DYNC2I1: variants seen among roughly 807,000 people sequenced by gnomAD.
DYNC2I1 encodes cytoplasmic dynein 2 intermediate chain 1.
A neutral mutation model predicts 133.4 loss-of-function variants in DYNC2I1; 89 were observed. That is an observed-to-expected ratio of 0.67 (90% CI 0.56 to 0.80). The LOEUF (loss-of-function observed/expected upper bound fraction) is 0.80. DYNC2I1 is among the 30% of genes least tolerant of loss of function. The pLI is 0.00. For missense variants in DYNC2I1, 1,291 were observed against 1,314.5 expected (o/e 0.98, Z 0.28); for synonymous variants, 504 against 484.3 (o/e 1.04, Z -0.54).
intron 20 of DYNC2I1, among the ~76,000 whole-genome samples, chr7:158,930,139 A>G (rs922821718): frequency 1.3e-5 from 2 of 151,308 alleles, no homozygotes; most frequent in Admixed American, 1.3e-4. Context: ...TATTTAGTGT[A>G]TGTACACTCG....
intron 10 of DYNC2I1, chr7:158,903,870 A>G (rs1292513787): frequency 6.6e-6 from 1 of 152,190 alleles, no homozygotes; most frequent in African/African-American, 2.4e-5. Context: ...TTCAACATTT[A>G]TGCTTAGTGT....
intron 17 of DYNC2I1, among the ~76,000 whole-genome samples, chr7:158,925,288 T>C (rs904162806): frequency 2.0e-5 from 3 of 152,208 alleles, no homozygotes; most frequent in Non-Finnish European, 4.4e-5. Flanking sequence ...TCAGTTTCTT[T>C]CCTGAGTTCA....
At chr7:158,868,407 G>A (rs73527680) in intron 1 of DYNC2I1, among the ~76,000 whole-genome samples, 2,806 of 152,298 alleles carry the variant, frequency 0.018, 82 homozygotes, top group African/African-American at 0.063. Context: ...CGGAAGGTGA[G>A]GGCTTAGCTG....
the DYNC2I1 span, among the ~76,000 whole-genome samples, chr7:158,841,185 A>T: frequency 9.5e-5 from 3 of 31,738 alleles, no homozygotes; most frequent in African/African-American, 3.3e-4. Context: ...ATATATATAT[A>T]TATATATATA....
intron 23 of DYNC2I1, among the ~76,000 whole-genome samples, chr7:158,935,329 A>C (rs1178938675): frequency 6.6e-6 from 1 of 152,232 alleles, no homozygotes; most frequent in African/African-American, 2.4e-5. Context: ...CTCCAAGGTC[A>C]GTTTATGGGT....
intron 1 of DYNC2I1, among the ~76,000 whole-genome samples, chr7:158,865,752 C>T (rs1842348215): frequency 1.3e-5 from 2 of 152,094 alleles, no homozygotes; most frequent in Non-Finnish European, 2.9e-5. Flanking sequence ...CTGGGCTGCT[C>T]CATAGGGCAG....
At chr7:158,955,041 GTC>G (rs1852165273) in intron 4 of DYNC2I1, among the ~76,000 whole-genome samples, 1 of 152,210 alleles carries the variant, frequency 6.6e-6, no homozygotes, top group Non-Finnish European at 1.5e-5. Flanking sequence ...TTTGGGGTGA[GTC>G]TGGAGAGTGT....
At chr7:158,880,792 A>G (rs567597725) in intron 5 of DYNC2I1, among the ~76,000 whole-genome samples, 2 of 152,168 alleles carry the variant, frequency 1.3e-5, no homozygotes, top group South Asian at 2.1e-4. Flanking sequence ...GTGTTTTAGC[A>G]CCTTTTGTTC....
chr7:158,929,538 G>A (rs902536477), intron 20 of DYNC2I1, among the ~76,000 whole-genome samples: 4 of 152,218 alleles, frequency 2.6e-5, no homozygotes, highest in Non-Finnish European at 2.9e-5. Flanking sequence ...CGTGGGAGCC[G>A]AGACGCCAGG....
chr7:158,881,643 C>T (rs936541474), intron 5 of DYNC2I1, among the ~76,000 whole-genome samples: 3 of 151,926 alleles, frequency 2.0e-5, no homozygotes, highest in South Asian at 2.1e-4. Context: ...TTAGTAGAGA[C>T]GGGGTTTCAC....
At chr7:158,843,396 G>A in the DYNC2I1 span, among the ~76,000 whole-genome samples, 1 of 152,282 alleles carries the variant, frequency 6.6e-6, no homozygotes, top group East Asian at 1.9e-4. Flanking sequence ...GAGTAGCAGG[G>A]ATTACAGACA....
At chr7:158,902,708 C>T (rs762378968) in intron 10 of DYNC2I1, 113 bp downstream of exon 10, 158 of 921,124 alleles carry the variant, frequency 1.7e-4, no homozygotes, top group Non-Finnish European at 2.1e-4. Context: ...GGAGCAGTAA[C>T]ATCTTCCACA....
chr7:158,882,939 G>A (rs1277212681), intron 5 of DYNC2I1, among the ~76,000 whole-genome samples: 1 of 151,196 alleles, frequency 6.6e-6, no homozygotes, highest in Non-Finnish European at 1.5e-5. Flanking sequence ...AATGGGGATC[G>A]AGCATTGTAT....
intron 21 of DYNC2I1, among the ~76,000 whole-genome samples, chr7:158,933,452 G>A (rs568967595): frequency 6.6e-6 from 1 of 152,304 alleles, no homozygotes; most frequent in South Asian, 2.1e-4. Context: ...GAGGCAAGGA[G>A]GTAGAACTGA....
intron 5 of DYNC2I1, among the ~76,000 whole-genome samples, chr7:158,881,206 C>T (rs1247507569): frequency 5.3e-5 from 8 of 152,214 alleles, no homozygotes; most frequent in Non-Finnish European, 1.2e-4. Context: ...TAACCTCCCT[C>T]GCCTTTGCCC....
Position 158,907,273 on chromosome 7 carries a change from C to CTTT in DYNC2I1, c.1460+1205_1460+1207dup, listed in dbSNP as rs36062364. 5.9e-3 allele frequency among the ~76,000 whole-genome samples: 579 copies of CTTT among 98,504 alleles called. 4 individuals carry two copies. The highest frequency in any genetic ancestry group is 0.01 in the African/African-American group (269 of 26,856). 64.6% of individuals were successfully genotyped at this position (98,504 alleles called of 152,430 possible). A position where few individuals can be genotyped will look rare whatever the true frequency, so the allele number is the denominator to read the frequency against. On this transcript the variant is annotated intron_variant, in intron 11 of 24. Transcript: ENST00000407559. ...AACTGGTTTCTGGCCCCATGGCCTT[C>CTTT]TTTTTTTTTTTTTTTTTTTTTTTTT...
intron 5 of DYNC2I1, among the ~76,000 whole-genome samples, chr7:158,883,872 G>A (rs2129479938): frequency 6.7e-6 from 1 of 149,748 alleles, no homozygotes; most frequent in East Asian, 2.0e-4. Context: ...CACCGTGTTA[G>A]CCAGGATGGT....
At chr7:158,937,705 C>G (rs970058602) in intron 23 of DYNC2I1, among the ~76,000 whole-genome samples, 1 of 150,908 alleles carries the variant, frequency 6.6e-6, no homozygotes, top group Admixed American at 6.6e-5. Flanking sequence ...AGGAGGATCT[C>G]TTGAGCCAGC....
intron 23 of DYNC2I1, among the ~76,000 whole-genome samples, chr7:158,935,116 G>T (rs990956286): frequency 6.6e-6 from 1 of 152,236 alleles, no homozygotes; most frequent in Non-Finnish European, 1.5e-5. Flanking sequence ...ATTTTTGCCT[G>T]TGTTCTTTTA....
Sources: allele counts gnomAD v4.1 joint callset (sites outside exome capture counted in the v4.1 genomes callset), GRCh38; gene constraint gnomAD v4.1.1; transcripts MANE v1.5; gene names NCBI Gene and HGNC (gene_info 2026-07-23, HGNC 2026-07-21).